The following ADA2 variants were observed in gnomAD, a reference collection of about 807,000 sequenced individuals.
The protein encoded by ADA2 is adenosine deaminase CECR1.
A neutral mutation model predicts 44.2 loss-of-function variants in ADA2; 29 were observed. That is an observed-to-expected ratio of 0.66 (90% CI 0.49 to 0.89). The LOEUF is 0.89. Ranked by LOEUF, ADA2 falls within the 40% of genes least tolerant of loss-of-function variation. The pLI, the probability that ADA2 is intolerant of heterozygous loss-of-function variation, is 0.00. For missense variants in ADA2, 637 were observed against 644.8 expected (o/e 0.99, Z 0.13); for synonymous variants, 215 against 234.9 (o/e 0.92, Z 0.77).
chr22:17,218,750 C>T (rs916249572), intron 1 of ADA2, among the ~76,000 whole-genome samples: 1 of 152,210 alleles, frequency 6.6e-6, no homozygotes, highest in African/African-American at 2.4e-5. Flanking sequence ...TAAAAACAAT[C>T]CTTATTCACA....
chr22:17,206,991 A>AG, intron 3 of ADA2, 80 bp downstream of exon 3: 1 of 1,042,794 alleles, frequency 9.6e-7, no homozygotes, highest in Non-Finnish European at 1.5e-6. Context: ...TTTTATCTAT[A>AG]GGTTTGTACC....
upstream of ADA2, among the ~76,000 whole-genome samples, chr22:17,219,920 C>T (rs7286672): frequency 0.69 from 105,045 of 151,660 alleles, 36,557 homozygotes; most frequent in East Asian, 0.79. Flanking sequence ...AGGTGATCCG[C>T]CCACCTCGGC....
At position 17,203,770 on chromosome 22, in the gene ADA2, C is replaced by G. The variant is rs1409998636; in HGVS notation, c.546G>C (p.Leu182Phe). 3.7e-6 allele frequency: 6 copies of G among 1,611,986 alleles called. No homozygotes were observed. Among genetic ancestry groups the G allele is most frequent in the Admixed American group, 1.7e-5 (1 of 59,862 alleles). ...VQNVTEFDDS[L>F]LRNFTLVTQH... ...GGGTCACCAGAGTGAAATTCCTCAG[C>G]AAGCTGTCCAAGACACGAAGTGGGG... The change falls in exon 4 of 10, where the codon TTG becomes TTC. Residue 182 changes from leucine (L) to phenylalanine (F), a missense_variant. Physicochemically the swap from Leu to Phe is conservative, Grantham distance 22. Coordinates refer to ENST00000399837, the MANE Select transcript of ADA2 (RefSeq NM_001282225.2).
At position 17,214,036 on chromosome 22, in the gene ADA2, T is replaced by C. The variant is rs572612807; in HGVS notation, c.-46-4313A>G. The C allele has an allele frequency of 7.9e-5, 27 of 340,780 alleles. No individual in the cohort carries two copies. In the African/African-American group the frequency reaches 1.1e-3, roughly 13 times the overall value. 21.1% of individuals were successfully genotyped at this position (340,780 alleles called of 1,614,324 possible). ...CCTGAGCAACAAGAGCGAAACTCTG[T>C]CTCAAAAAAAAAAAAAAAAAAAAAT... On this transcript the variant is annotated intron_variant, in intron 1 of 9. Transcript: ENST00000399837.
intron 4 of ADA2, chr22:17,193,091 C>CAAA: frequency 9.5e-7 from 1 of 1,048,216 alleles, no homozygotes; most frequent in Non-Finnish European, 1.4e-6. Flanking sequence ...ATGGGAGCAA[C>CAAA]AAAAAAAAAC....
intron 4 of ADA2, among the ~76,000 whole-genome samples, chr22:17,196,599 C>T (rs570000537): frequency 6.6e-6 from 1 of 152,072 alleles, no homozygotes; most frequent in Non-Finnish European, 1.5e-5. Context: ...GTCTCCTGCC[C>T]ACACCCCCCA....
chr22:17,211,712 G>A (rs1218618086), intron 1 of ADA2, among the ~76,000 whole-genome samples: 2 of 151,948 alleles, frequency 1.3e-5, no homozygotes, highest in African/African-American at 2.4e-5. Context: ...GACGGATCAC[G>A]AGGTCAAGAG....
intron 4 of ADA2, among the ~76,000 whole-genome samples, chr22:17,194,921 T>G (rs2062171121): frequency 6.6e-6 from 1 of 152,002 alleles, no homozygotes; most frequent in African/African-American, 2.4e-5. Context: ...TTTCCCTTTG[T>G]GAAGGTGTCG....
intron 4 of ADA2, among the ~76,000 whole-genome samples, chr22:17,196,169 C>G (rs762677395): frequency 6.6e-6 from 1 of 151,830 alleles, no homozygotes; most frequent in Non-Finnish European, 1.5e-5. Flanking sequence ...GGTGAAACCC[C>G]TTCTCTACTA....
intron 1 of ADA2, among the ~76,000 whole-genome samples, chr22:17,213,050 G>A (rs771493636): frequency 2.0e-5 from 3 of 150,904 alleles, no homozygotes; most frequent in Non-Finnish European, 4.4e-5. Context: ...TCTACCTCCC[G>A]ACATTCTGGG....
intron 4 of ADA2, chr22:17,192,854 C>A (rs1438665624): frequency 9.7e-6 from 4 of 411,726 alleles, no homozygotes; most frequent in African/African-American, 8.4e-5. Flanking sequence ...GGGGCCCTCT[C>A]TCTTCCTCGG....
intron 7 of ADA2, 42 bp from the exon 8 acceptor site, chr22:17,182,803 CT>C (rs770237090): frequency 1.3e-6 from 2 of 1,540,026 alleles, no homozygotes; most frequent in Middle Eastern, 2.4e-4. Flanking sequence ...ATGGATGGGT[CT>C]GGTCTTCCAT....
At chr22:17,189,863 G>C in intron 6 of ADA2, 79 bp downstream of exon 6, 1 of 1,027,628 alleles carries the variant, frequency 9.7e-7, no homozygotes, top group Non-Finnish European at 1.5e-6. Flanking sequence ...TCCCTTCCCA[G>C]GGAGTTGCCG....
Position 17,179,082 on chromosome 22 carries a change from C to G in ADA2, c.*2401G>C, listed in dbSNP as rs531593633. On this transcript the variant is annotated 3_prime_UTR_variant, in exon 10 of 10. Transcript: ENST00000399837. ...GCTGTCTGAGAGCTCAGGTACAGGT[C>G]ATGGAAGATGGATGAGAGGACATTC... 13 of 152,336 alleles carry G rather than the reference C, an allele frequency of 8.5e-5. No individual in the cohort carries two copies. In the East Asian group the frequency reaches 2.5e-3, roughly 29 times the overall value. 9.4% of individuals were successfully genotyped at this position (152,336 alleles called of 1,614,324 possible).
intron 2 of ADA2, among the ~76,000 whole-genome samples, chr22:17,209,152 A>T (rs1404805000): frequency 6.6e-6 from 1 of 152,050 alleles, no homozygotes; most frequent in Non-Finnish European, 1.5e-5. Context: ...TCCAATCCTG[A>T]CTGTCTGCGA....
Position 17,181,529 on chromosome 22 carries a change from C to T in ADA2, c.1490G>A (p.Trp497Ter). 1 of 1,613,820 alleles carries T rather than the reference C, an allele frequency of 6.2e-7. No homozygotes were observed. Residue 497 changes from tryptophan to a stop codon, truncating the protein, a stop_gained, in exon 10 of 10, where the codon TGG (tryptophan) becomes TAG (stop). Coordinates refer to ENST00000399837, the MANE Select transcript of ADA2 (RefSeq NM_001282225.2). LOFTEE classifies it high-confidence loss of function. ...ESEKNTFMEIWKKRWDKFIAD... is the reference protein window; with the variant it reads ...ESEKNTFMEI ...TATGAACTTATCCCATCTCTTCTTC[C>T]AGATTTCCATGAAAGTATTTTTCTC...
intron 1 of ADA2, among the ~76,000 whole-genome samples, chr22:17,217,322 C>T (rs1289428359): frequency 3.9e-5 from 6 of 152,096 alleles, no homozygotes; most frequent in African/African-American, 1.4e-4. Context: ...GATTGAGTAC[C>T]TTGCACAGCA....
intron 3 of ADA2, 56 bp downstream of exon 3, chr22:17,207,015 A>G: frequency 7.4e-7 from 1 of 1,343,014 alleles, no homozygotes; most frequent in Non-Finnish European, 1.1e-6. Flanking sequence ...GGAGACACCT[A>G]CCCACTGCCA....
At chr22:17,181,613 C>T in intron 9 of ADA2, 37 bp from the exon 10 acceptor site, 2 of 1,471,366 alleles carry the variant, frequency 1.4e-6, no homozygotes, top group Non-Finnish European at 1.9e-6. Flanking sequence ...AGCCTCAGGG[C>T]AGGGGTTGGG....
Sources: allele counts gnomAD v4.1 joint callset (sites outside exome capture counted in the v4.1 genomes callset), GRCh38; gene constraint gnomAD v4.1.1; transcripts MANE v1.5; gene names NCBI Gene and HGNC (gene_info 2026-07-23, HGNC 2026-07-21).